MCTP1: variants seen among roughly 807,000 people sequenced by gnomAD.
The protein encoded by MCTP1 is multiple C2 and transmembrane domain-containing protein 1.
A neutral mutation model predicts 120.6 loss-of-function variants in MCTP1; 69 were observed. The observed-to-expected ratio is 0.57, with a 90% CI of 0.47 to 0.70. The LOEUF (loss-of-function observed/expected upper bound fraction) is 0.70, where lower values mean the gene tolerates loss of function less well. Among genes scored for constraint, MCTP1 ranks in the 30% least tolerant of loss-of-function variants. The pLI is 0.00. For missense variants in MCTP1, 1,203 were observed against 1,248.8 expected, an observed-to-expected ratio of 0.96 and a Z score of 0.55; for synonymous variants, 529 against 493.1, an observed-to-expected ratio of 1.07 and a Z score of -0.96.
chr5:95,098,927 T>C (rs1374964008), intron 1 of MCTP1, among the ~76,000 whole-genome samples: 3 of 152,012 alleles, frequency 2.0e-5, no homozygotes, highest in Non-Finnish European at 2.9e-5. Context: ...AACAGAGATA[T>C]AGATTAATGG....
chr5:94,793,604 T>C (rs998281039), intron 18 of MCTP1: 2 of 152,258 alleles, frequency 1.3e-5, no homozygotes, highest in Admixed American at 1.3e-4. Flanking sequence ...CAGTGAATGA[T>C]AAAACTCTTA....
At chr5:95,254,955 GCAA>G (rs962930388) in intron 1 of MCTP1, among the ~76,000 whole-genome samples, 5 of 152,060 alleles carry the variant, frequency 3.3e-5, no homozygotes, top group African/African-American at 9.7e-5. Context: ...GTCAAAACCA[GCAA>G]CTTAATTTTT....
chr5:94,927,272 TACTC>T (rs1295267647), intron 6 of MCTP1, among the ~76,000 whole-genome samples: 1 of 152,184 alleles, frequency 6.6e-6, no homozygotes, highest in Non-Finnish European at 1.5e-5. Context: ...ATAATAGAAA[TACTC>T]ACTGCTATTT....
chr5:94,863,659 T>C (rs1796240770), intron 17 of MCTP1, among the ~76,000 whole-genome samples: 1 of 151,866 alleles, frequency 6.6e-6, no homozygotes, highest in Non-Finnish European at 1.5e-5. Context: ...TTACGGTTTG[T>C]AATAACTTTT....
At chr5:95,042,734 C>T (rs1015759230) in intron 1 of MCTP1, among the ~76,000 whole-genome samples, 13 of 152,294 alleles carry the variant, frequency 8.5e-5, no homozygotes, top group South Asian at 4.1e-4. Flanking sequence ...AATGAACATA[C>T]GGTATACACT....
chr5:95,052,301 G>T (rs553884867), intron 1 of MCTP1, among the ~76,000 whole-genome samples: 1 of 152,180 alleles, frequency 6.6e-6, no homozygotes, highest in Non-Finnish European at 1.5e-5. Context: ...TGTTACCATG[G>T]CAATGTCCTG....
intron 2 of MCTP1, among the ~76,000 whole-genome samples, chr5:94,962,207 T>C (rs1346721621): frequency 6.6e-6 from 1 of 151,970 alleles, no homozygotes; most frequent in Non-Finnish European, 1.5e-5. Context: ...GAGTATAAAC[T>C]AGTACAACCA....
At chr5:95,087,414 A>G (rs1755515328) in intron 1 of MCTP1, among the ~76,000 whole-genome samples, 1 of 152,218 alleles carries the variant, frequency 6.6e-6, no homozygotes, top group Non-Finnish European at 1.5e-5. Flanking sequence ...TGGACCTGGC[A>G]GAGACCACAG....
intron 19 of MCTP1, among the ~76,000 whole-genome samples, chr5:94,744,417 G>A (rs1766383478): frequency 6.6e-6 from 1 of 152,230 alleles, no homozygotes; most frequent in Non-Finnish European, 1.5e-5. Flanking sequence ...TAGATGGACA[G>A]GGGATTTAGC....
chr5:95,209,007 C>T (rs1484412782), intron 1 of MCTP1, among the ~76,000 whole-genome samples: 2 of 152,070 alleles, frequency 1.3e-5, no homozygotes, highest in African/African-American at 4.8e-5. Flanking sequence ...TATCTGTTTC[C>T]TTCAAATGTA....
chr5:95,056,781 T>C (rs1034973710), intron 1 of MCTP1, among the ~76,000 whole-genome samples: 3 of 152,204 alleles, frequency 2.0e-5, no homozygotes, highest in Non-Finnish European at 4.4e-5. Flanking sequence ...TCGTCAGTTC[T>C]CTGGGGGAAG....
intron 1 of MCTP1, among the ~76,000 whole-genome samples, chr5:95,117,922 C>G (rs1562157126): frequency 6.6e-6 from 1 of 152,128 alleles, no homozygotes; most frequent in South Asian, 2.1e-4. Flanking sequence ...AGTAGAAAAC[C>G]AAACACCACA....
chr5:95,217,012 C>G (rs1200868834), intron 1 of MCTP1, among the ~76,000 whole-genome samples: 5 of 152,060 alleles, frequency 3.3e-5, no homozygotes, highest in Non-Finnish European at 7.4e-5. Flanking sequence ...CTAGCAGATG[C>G]GTATATACAG....
At chr5:95,077,618 G>C (rs1221074104) in intron 1 of MCTP1, among the ~76,000 whole-genome samples, 1 of 151,834 alleles carries the variant, frequency 6.6e-6, no homozygotes, top group African/African-American at 2.4e-5. Flanking sequence ...GACTACAGGC[G>C]CTCGCCACCA....
intron 1 of MCTP1, among the ~76,000 whole-genome samples, chr5:95,072,081 CTGTGTGTGTG>C (rs56135843): frequency 1.4e-5 from 2 of 143,784 alleles, no homozygotes; most frequent in South Asian, 2.3e-4. Flanking sequence ...GCCAATTTTC[CTGTGTGTGTG>C]TGTGTGTGTG....
At chr5:95,101,210 C>G (rs974998541) in intron 1 of MCTP1, among the ~76,000 whole-genome samples, 7 of 152,048 alleles carry the variant, frequency 4.6e-5, no homozygotes, top group African/African-American at 1.7e-4. Flanking sequence ...GAGGGAATGA[C>G]AGAATCCACA....
chr5:95,235,249 T>G (rs562374640), intron 1 of MCTP1, among the ~76,000 whole-genome samples: 48 of 151,876 alleles, frequency 3.2e-4, no homozygotes, highest in African/African-American at 1.1e-3. Context: ...AAAAAGCACT[T>G]GACAAAAAAT....
chr5:95,086,891 C>T (rs1473978161), intron 1 of MCTP1, among the ~76,000 whole-genome samples: 1 of 152,150 alleles, frequency 6.6e-6, no homozygotes, highest in Non-Finnish European at 1.5e-5. Context: ...AAAATAAACT[C>T]TTGTTCCTTA....
Position 94,705,835 on chromosome 5 carries a change from C to CAACA in MCTP1, c.*1657_*1660dup, listed in dbSNP as rs1402412262. 5 of 151,574 alleles carry CAACA rather than the reference C, an allele frequency of 3.3e-5. No individual in the cohort carries two copies. The allele number at this position is 151,574 out of a possible 1,614,324, so 9.4% of individuals were successfully genotyped here. On this transcript the variant is annotated 3_prime_UTR_variant, in exon 23 of 23. Coordinates refer to ENST00000515393, the MANE Select transcript of MCTP1 (RefSeq NM_024717.7). ...TGTTCATGGAACATTATGTTTTTAGCAACAAACAGTGATGGTATGCAGACA... is the reference window on the plus strand; with the variant it reads ...TGTTCATGGAACATTATGTTTTTAGCAACAAACAAACAGTGATGGTATGCAGACA...
Sources: gnomAD v4.1 joint callset for allele counts (sites outside exome capture counted in the v4.1 genomes callset) on GRCh38, gnomAD v4.1.1 for gene constraint, MANE v1.5 for transcripts, NCBI Gene and HGNC (gene_info 2026-07-23, HGNC 2026-07-21) for gene names.